Variants in ACO1 observed in about 807,000 individuals in gnomAD.
The protein encoded by ACO1 is aconitase 1.
In ACO1, 78 loss-of-function variants were observed where a neutral mutation model predicts 105.1. The observed-to-expected ratio is 0.74, with a 90% confidence interval of 0.62 to 0.90. ACO1 has a LOEUF of 0.90. Ranked by LOEUF, ACO1 falls within the 40% of genes least tolerant of loss-of-function variation. ACO1 has a pLI of 0.00. For synonymous variants in ACO1, 364 were observed against 397.4 expected (o/e 0.92, Z 1.00); for missense variants, 965 against 1,111.1 (o/e 0.87, Z 1.87).
At chr9:32,431,607 T>C (rs1822237409) in intron 14 of ACO1, 112 bp from the exon 15 acceptor site, 4 of 1,186,716 alleles carry the variant, frequency 3.4e-6, no homozygotes, top group African/African-American at 3.1e-5. Context: ...TCATTCAGTG[T>C]TCACACGGGC....
chr9:32,387,585 T>C (rs1438946154), intron 1 of ACO1, among the ~76,000 whole-genome samples: 1 of 152,196 alleles, frequency 6.6e-6, no homozygotes, highest in African/African-American at 2.4e-5. Flanking sequence ...GGGTGTATGA[T>C]TCAAGTCCTC....
At chr9:32,435,916 G>T in intron 17 of ACO1, 4 of 412,206 alleles carry the variant, frequency 9.7e-6, no homozygotes, top group South Asian at 1.9e-5. Context: ...TTTTAATTTA[G>T]CTCTTTATCT....
rs73477335 is a variant in ACO1 at position 32,431,595 on chromosome 9, A to G, written c.1727-124A>G. The G allele has an allele frequency of 9.8e-4, 995 of 1,011,594 alleles. 4 individuals carry two copies. In the African/African-American group the frequency reaches 0.014, roughly 15 times the overall value. The allele number at this position is 1,011,594 out of a possible 1,614,324, so 62.7% of individuals were successfully genotyped here. Reference sequence around the variant, plus strand: ...CTCCAGTGGCAGTGATTCCGTATCCAGTCATTCAGTGTTCACACGGGCTTT... The same window carrying G: ...CTCCAGTGGCAGTGATTCCGTATCCGGTCATTCAGTGTTCACACGGGCTTT... On this transcript the variant is annotated intron_variant, in intron 14 of 20. Transcript: ENST00000309951.
chr9:32,394,441 G>A (rs565961462), intron 1 of ACO1, among the ~76,000 whole-genome samples: 10 of 152,326 alleles, frequency 6.6e-5, no homozygotes, highest in South Asian at 2.1e-4. Flanking sequence ...TGTAAATGTC[G>A]TGTGTATGAA....
chr9:32,398,157 A>G (rs1821410992), intron 1 of ACO1, among the ~76,000 whole-genome samples: 1 of 152,288 alleles, frequency 6.6e-6, no homozygotes, highest in Middle Eastern at 3.4e-3. Context: ...CTCTGTCTGT[A>G]TCATAAGGTA....
At chr9:32,396,112 A>C (rs1402724484) in intron 1 of ACO1, among the ~76,000 whole-genome samples, 1 of 152,258 alleles carries the variant, frequency 6.6e-6, no homozygotes, top group African/African-American at 2.4e-5. Flanking sequence ...GAGAATTTCC[A>C]GTGTTACTTA....
chr9:32,418,001 A>T (rs940342747), intron 4 of ACO1, 127 bp from the exon 5 acceptor site: 15 of 773,950 alleles, frequency 1.9e-5, no homozygotes, highest in Admixed American at 4.9e-5. Context: ...ATAGTCATGA[A>T]TGAAATTCAT....
intron 1 of ACO1, among the ~76,000 whole-genome samples, chr9:32,387,245 T>C (rs1821174139): frequency 6.6e-6 from 1 of 152,194 alleles, no homozygotes. Flanking sequence ...GGTCTCAGTG[T>C]CTTTGACTTT....
In ACO1 at chr9:32,454,458, T is replaced by A. The variant is rs1822835024; in HGVS notation, c.*4347T>A. The A allele has an allele frequency of 1.4e-5, 2 of 147,278 alleles. No homozygotes were observed. Among genetic ancestry groups the A allele is most frequent in the Admixed American group, 1.3e-4 (2 of 15,140 alleles). The allele number at this position is 147,278 out of a possible 1,614,324, so 9.1% of individuals were successfully genotyped here. A position where few individuals can be genotyped will look rare whatever the true frequency, so the allele number is the denominator to read the frequency against. On this transcript the variant is annotated 3_prime_UTR_variant, in exon 21 of 21. Transcript: ENST00000309951. ...TCAGCACAGGCCAGGACCACAGAGA[T>A]AACAAGGTGGTAGTTGTGTAACAGG...
rs564028259 is a variant in ACO1 at position 32,434,487 on chromosome 9, A to G, written c.1957-72A>G. ...CTCTGATTCAGGTCCATGGGCCACC[A>G]TCGTAGAGACTGATCTGGTAACTTG... On this transcript the variant is annotated intron_variant, in intron 16 of 20. Transcript: ENST00000309951. 284 of 1,583,168 alleles carry G rather than the reference A, an allele frequency of 1.8e-4. No individual in the cohort carries two copies. The African/African-American group carries it at 3.6e-3, about 20-fold the overall frequency.
At chr9:32,436,543 A>G (rs1045419315) in intron 18 of ACO1, 146 bp downstream of exon 18, 6 of 879,298 alleles carry the variant, frequency 6.8e-6, no homozygotes, top group Non-Finnish European at 1.1e-5. Context: ...CCAGGTGTCC[A>G]TATGCATAGA....
chr9:32,384,979 T>C (rs1371926540), intron 1 of ACO1, among the ~76,000 whole-genome samples: 1 of 152,244 alleles, frequency 6.6e-6, no homozygotes, highest in African/African-American at 2.4e-5. Flanking sequence ...GTGGCTTTCC[T>C]AGACCCTTCT....
chr9:32,449,019 C>G lies in ACO1; in HGVS notation c.2494C>G (p.Gln832Glu). 1 of 1,614,110 alleles carries G rather than the reference C, an allele frequency of 6.2e-7. No homozygotes were observed. Among genetic ancestry groups the G allele is most frequent in the Non-Finnish European group, 8.5e-7 (1 of 1,179,998 alleles). The stretch of plus-strand genomic sequence containing the variant: ...TGCAGATGCCCTGGGGCTCACAGGG[C>G]AAGAACGATACACTATCATTATTCC... ...ENADALGLTG[Q>E]ERYTIIIPEN... Residue 832 changes from glutamine (Q) to glutamate (E), a missense_variant, in exon 20 of 21, where the codon CAA becomes GAA. Gln to Glu is a conservative substitution (Grantham distance 29). Transcript: ENST00000309951.
chr9:32,448,165 T>A (rs1389647069), intron 19 of ACO1, among the ~76,000 whole-genome samples: 1 of 152,184 alleles, frequency 6.6e-6, no homozygotes, highest in East Asian at 1.9e-4. Flanking sequence ...CCCTAGGTGC[T>A]CTGTCCCAGG....
intron 19 of ACO1, among the ~76,000 whole-genome samples, chr9:32,448,358 GCCGATGC>G (rs1035222612): frequency 6.6e-6 from 1 of 152,208 alleles, no homozygotes; most frequent in African/African-American, 2.4e-5. Flanking sequence ...CTCAGCAATG[GCCGATGC>G]CCCTCTGCCC....
intron 18 of ACO1, 70 bp downstream of exon 18, chr9:32,436,467 G>C: frequency 6.3e-7 from 1 of 1,575,780 alleles, no homozygotes; most frequent in Non-Finnish European, 8.7e-7. Flanking sequence ...GATATTTACA[G>C]TTACTCGCCT....
chr9:32,426,942 TC>T (rs1303054361), intron 11 of ACO1, among the ~76,000 whole-genome samples: 1 of 151,350 alleles, frequency 6.6e-6, no homozygotes, highest in Non-Finnish European at 1.5e-5. Flanking sequence ...ATGATTTTCA[TC>T]CAAATAAAAC....
chr9:32,436,658 T>C (rs1442442283), intron 18 of ACO1, among the ~76,000 whole-genome samples: 1 of 152,240 alleles, frequency 6.6e-6, no homozygotes, highest in African/African-American at 2.4e-5. Context: ...TGACATTTCA[T>C]TTAAAGTATT....
Position 32,427,455 on chromosome 9 carries a change from T to C in ACO1, c.1484+19T>C. ...AGCTTGGGTGAGGGAGAGTTTTCTT[T>C]TGCACCATTGCTTTTGTTGAATTGT... On this transcript the variant is annotated intron_variant, in intron 12 of 20. Transcript: ENST00000309951. The C allele has an allele frequency of 1.2e-6, 2 of 1,614,114 alleles. No individual in the cohort carries two copies. Among genetic ancestry groups the C allele is most frequent in the Non-Finnish European group, 1.7e-6 (2 of 1,179,976 alleles).
Sources: gnomAD v4.1 joint callset for allele counts (sites outside exome capture counted in the v4.1 genomes callset) on GRCh38, gnomAD v4.1.1 for gene constraint, MANE v1.5 for transcripts, NCBI Gene and HGNC (gene_info 2026-07-23, HGNC 2026-07-21) for gene names.